DSCAML1: variants seen among roughly 807,000 people sequenced by gnomAD.
The protein encoded by DSCAML1 is DS cell adhesion molecule like 1.
In DSCAML1, 38 loss-of-function variants were observed where a neutral mutation model predicts 200.5. That is an observed-to-expected ratio of 0.19 (90% confidence interval 0.15 to 0.25). The LOEUF (loss-of-function observed/expected upper bound fraction) is 0.25, where lower values mean the gene tolerates loss of function less well. Among genes scored for constraint, DSCAML1 ranks in the 10% least tolerant of loss-of-function variants. DSCAML1 has a pLI of 1.00. For synonymous variants in DSCAML1, 1,215 were observed against 1,165.0 expected (o/e 1.04, Z -0.87); for missense variants, 2,223 against 2,858.8 (o/e 0.78, Z 5.07).
intron 27 of DSCAML1, among the ~76,000 whole-genome samples, chr11:117,434,842 A>G (rs370149001): frequency 5.9e-5 from 9 of 152,282 alleles, no homozygotes; most frequent in Non-Finnish European, 1.0e-4. Context: ...CCAATCATCA[A>G]CCATCCATTG....
intron 3 of DSCAML1, among the ~76,000 whole-genome samples, chr11:117,687,426 ATTTTT>A (rs71037492): frequency 1.3e-4 from 13 of 97,684 alleles, no homozygotes; most frequent in African/African-American, 4.9e-4. Context: ...ATGCCTGGCT[ATTTTT>A]TTTTTTTTTT....
At chr11:117,534,793 G>C (rs1402774207) in intron 3 of DSCAML1, among the ~76,000 whole-genome samples, 1 of 152,152 alleles carries the variant, frequency 6.6e-6, no homozygotes, top group Non-Finnish European at 1.5e-5. Context: ...AAAAATTTTT[G>C]TAGAGATGAG....
At chr11:117,553,093 C>T (rs2050497147) in intron 3 of DSCAML1, among the ~76,000 whole-genome samples, 1 of 152,064 alleles carries the variant, frequency 6.6e-6, no homozygotes, top group African/African-American at 2.4e-5. Flanking sequence ...GAAGGGCTTC[C>T]GAGAAAGCAT....
chr11:117,592,285 A>G (rs498689), intron 3 of DSCAML1, among the ~76,000 whole-genome samples: 59,971 of 151,958 alleles, frequency 0.39, 12,727 homozygotes, highest in South Asian at 0.57. Flanking sequence ...CCGGCTCGGC[A>G]AGGACTGCCT....
intron 3 of DSCAML1, among the ~76,000 whole-genome samples, chr11:117,695,326 T>C (rs2053571577): frequency 6.7e-6 from 1 of 149,638 alleles, no homozygotes; most frequent in African/African-American, 2.5e-5. Flanking sequence ...TTTTTTTTTT[T>C]TTTTTTTTGC....
intron 14 of DSCAML1, among the ~76,000 whole-genome samples, chr11:117,476,655 A>C (rs2048799384): frequency 6.6e-6 from 1 of 152,202 alleles, no homozygotes; most frequent in Non-Finnish European, 1.5e-5. Flanking sequence ...CTGCATTTTT[A>C]AATCTGCACA....
At chr11:117,731,897 A>G (rs945600606) in intron 3 of DSCAML1, among the ~76,000 whole-genome samples, 2 of 152,226 alleles carry the variant, frequency 1.3e-5, no homozygotes, top group Admixed American at 6.5e-5. Flanking sequence ...GTAAAGAGAA[A>G]GAAAAAGCAG....
intron 3 of DSCAML1, among the ~76,000 whole-genome samples, chr11:117,757,079 T>A (rs1490800810): frequency 6.6e-6 from 1 of 152,114 alleles, no homozygotes; most frequent in Non-Finnish European, 1.5e-5. Context: ...GAGGAGGACC[T>A]ACGGGTGGAA....
chr11:117,808,302 T>A (rs1298981075), intron 1 of DSCAML1, among the ~76,000 whole-genome samples: 1 of 152,220 alleles, frequency 6.6e-6, no homozygotes, highest in East Asian at 1.9e-4. Flanking sequence ...GGACTCTATA[T>A]TCTGGGCAAT....
chr11:117,664,922 C>G (rs565929229), intron 3 of DSCAML1, among the ~76,000 whole-genome samples: 2 of 152,228 alleles, frequency 1.3e-5, no homozygotes, highest in African/African-American at 2.4e-5. Flanking sequence ...TTCAGAACCA[C>G]GTCTATCAAC....
At chr11:117,542,355 A>ACAACAAC (rs777180049) in intron 3 of DSCAML1, among the ~76,000 whole-genome samples, 1 of 150,194 alleles carries the variant, frequency 6.7e-6, no homozygotes, top group Admixed American at 6.6e-5. Flanking sequence ...AACAACAACA[A>ACAACAAC]AAAAAAAACA....
rs1297730826 is a variant in DSCAML1, at chr11:117,486,357, A to T, written c.2360-4195T>A. The stretch of plus-strand genomic sequence containing the variant: ...AAAATGGCGGATGTGATAATGGCGG[A>T]TGTGAAAGTGGCTGATGTGAAAATG... On this transcript the variant is annotated intron_variant, in intron 11 of 32. Coordinates refer to ENST00000651296, the MANE Select transcript of DSCAML1 (RefSeq NM_020693.4). 4.6e-5 allele frequency among the ~76,000 whole-genome samples: 7 copies of T among 151,586 alleles called. No individual in the cohort carries two copies. In the East Asian group the frequency reaches 1.4e-3, roughly 30 times the overall value.
intron 3 of DSCAML1, among the ~76,000 whole-genome samples, chr11:117,570,377 C>T (rs1277827399): frequency 6.6e-6 from 1 of 152,174 alleles, no homozygotes; most frequent in African/African-American, 2.4e-5. Flanking sequence ...CATATTAACA[C>T]ATCAGTCCCC....
At chr11:117,770,838 T>A (rs774026797) in intron 3 of DSCAML1, among the ~76,000 whole-genome samples, 11 of 152,270 alleles carry the variant, frequency 7.2e-5, no homozygotes, top group Non-Finnish European at 1.0e-4. Flanking sequence ...AAAGTAGTAT[T>A]TGAACCAGAC....
At chr11:117,650,499 A>G (rs2052608101) in intron 3 of DSCAML1, among the ~76,000 whole-genome samples, 1 of 152,126 alleles carries the variant, frequency 6.6e-6, no homozygotes, top group South Asian at 2.1e-4. Context: ...TTCCAGGACA[A>G]TTAGGTAGAA....
chr11:117,566,311 TTC>T (rs1345955968), intron 3 of DSCAML1, among the ~76,000 whole-genome samples: 1 of 151,532 alleles, frequency 6.6e-6, no homozygotes, highest in African/African-American at 2.4e-5. Context: ...TTTCTTTTCT[TTC>T]TGTCTCTCTT....
At chr11:117,721,685 A>C (rs1339993540) in intron 3 of DSCAML1, among the ~76,000 whole-genome samples, 1 of 147,822 alleles carries the variant, frequency 6.8e-6, no homozygotes, top group Non-Finnish European at 1.5e-5. Context: ...ATATAAGCAT[A>C]TATTTATATA....
At chr11:117,771,918 T>C (rs1160073560) in intron 3 of DSCAML1, among the ~76,000 whole-genome samples, 1 of 152,128 alleles carries the variant, frequency 6.6e-6, no homozygotes, top group East Asian at 1.9e-4. Flanking sequence ...GACAGTCCTA[T>C]GCTGGTTCTG....
rs200785250 is a variant in DSCAML1 at position 117,428,285 on chromosome 11, G to A, written c.*43C>T. On this transcript the variant is annotated 3_prime_UTR_variant, in exon 33 of 33. Coordinates refer to ENST00000651296, the MANE Select transcript of DSCAML1 (RefSeq NM_020693.4). The stretch of plus-strand genomic sequence containing the variant: ...AACAGCCGAGCTGGCGTGTGGGGCT[G>A]CGGCGCGGCGCGGTCCAGGCGTGGC... 4.3e-4 allele frequency: 474 copies of A among 1,108,650 alleles called. 2 individuals are homozygous for A. The African/African-American group carries it at 7.0e-3, about 16-fold the overall frequency. The allele number at this position is 1,108,650 out of a possible 1,614,324, so 68.7% of individuals were successfully genotyped here.
Sources: allele counts gnomAD v4.1 joint callset (sites outside exome capture counted in the v4.1 genomes callset), GRCh38; gene constraint gnomAD v4.1.1; transcripts MANE v1.5; gene names NCBI Gene and HGNC (gene_info 2026-07-23, HGNC 2026-07-21).